GPC6: variants seen among roughly 807,000 people sequenced by gnomAD.
GPC6 encodes glypican-6.
A neutral mutation model predicts 55.2 loss-of-function variants in GPC6; 14 were observed. That is an observed-to-expected ratio of 0.25 (90% CI 0.17 to 0.40). The LOEUF (loss-of-function observed/expected upper bound fraction) is 0.40, where lower values mean the gene tolerates loss of function less well. Ranked by LOEUF, GPC6 falls within the 10% of genes least tolerant of loss-of-function variation. GPC6 has a pLI of 1.00. For missense variants in GPC6, 641 were observed against 708.5 expected, an observed-to-expected ratio of 0.90 and a Z score of 1.08; for synonymous variants, 278 against 259.6, an observed-to-expected ratio of 1.07 and a Z score of -0.68.
intron 3 of GPC6, among the ~76,000 whole-genome samples, chr13:93,926,022 A>T (rs1594593419): frequency 6.6e-6 from 1 of 152,156 alleles, no homozygotes; most frequent in Non-Finnish European, 1.5e-5. Flanking sequence ...TCTTCACAGC[A>T]TGTAGATATC....
At chr13:94,342,485 C>A (rs984747178) in intron 6 of GPC6, among the ~76,000 whole-genome samples, 6 of 152,140 alleles carry the variant, frequency 3.9e-5, no homozygotes, top group Admixed American at 2.6e-4. Context: ...TGCCCAGGAG[C>A]CACCAGATGT....
chr13:93,889,176 G>A (rs753777925), intron 3 of GPC6, among the ~76,000 whole-genome samples: 21 of 152,156 alleles, frequency 1.4e-4, no homozygotes, highest in Non-Finnish European at 2.9e-4. Context: ...GGTGGCTTAT[G>A]AAACATTTAT....
At chr13:93,543,154 G>C (rs6139935) in intron 1 of GPC6, among the ~76,000 whole-genome samples, 2 of 152,086 alleles carry the variant, frequency 1.3e-5, no homozygotes, top group African/African-American at 4.8e-5. Flanking sequence ...GATATTGGCT[G>C]TGGGTTTGTC....
chr13:94,344,376 GA>G (rs1180699858), intron 6 of GPC6, among the ~76,000 whole-genome samples: 1 of 152,192 alleles, frequency 6.6e-6, no homozygotes, highest in Non-Finnish European at 1.5e-5. Flanking sequence ...TGGAACCAAG[GA>G]AGGAGTCTTC....
intron 1 of GPC6, among the ~76,000 whole-genome samples, chr13:93,424,891 TTCTC>T (rs1676728129): frequency 6.6e-6 from 1 of 152,158 alleles, no homozygotes; most frequent in African/African-American, 2.4e-5. Context: ...TATTAGGCCC[TTCTC>T]TGGGGAAACA....
chr13:93,454,991 T>G (rs868045620), intron 1 of GPC6, among the ~76,000 whole-genome samples: 1 of 152,202 alleles, frequency 6.6e-6, no homozygotes, highest in Non-Finnish European at 1.5e-5. Context: ...TTGGCACTGC[T>G]GGGGGACCCA....
chr13:94,346,874 TAAG>T (rs1434525338), intron 6 of GPC6, among the ~76,000 whole-genome samples: 1 of 152,016 alleles, frequency 6.6e-6, no homozygotes, highest in Non-Finnish European at 1.5e-5. Context: ...ACCTGGCAAG[TAAG>T]AAGTAAAGAG....
intron 4 of GPC6, among the ~76,000 whole-genome samples, chr13:94,253,099 T>C (rs962625577): frequency 1.8e-4 from 28 of 152,082 alleles, no homozygotes; most frequent in African/African-American, 6.8e-4. Flanking sequence ...CCTGTGAATC[T>C]CCAGAGGTAT....
At chr13:93,690,048 T>C (rs1248467228) in intron 2 of GPC6, among the ~76,000 whole-genome samples, 3 of 152,148 alleles carry the variant, frequency 2.0e-5, no homozygotes, top group Non-Finnish European at 4.4e-5. Context: ...TAACAAAGAA[T>C]ATCTTTCACT....
intron 1 of GPC6, among the ~76,000 whole-genome samples, chr13:93,451,662 G>A (rs1878228458): frequency 1.3e-5 from 2 of 152,138 alleles, no homozygotes; most frequent in African/African-American, 4.8e-5. Flanking sequence ...TATGCTAACT[G>A]ACCCTCTACA....
chr13:93,237,640 C>T (rs146977996), intron 1 of GPC6, among the ~76,000 whole-genome samples: 9 of 152,038 alleles, frequency 5.9e-5, no homozygotes, highest in Non-Finnish European at 1.0e-4. Flanking sequence ...AATTCTTTGC[C>T]TAGGCCAATG....
intron 3 of GPC6, among the ~76,000 whole-genome samples, chr13:93,939,346 G>C (rs1878604585): frequency 6.6e-6 from 1 of 150,826 alleles, no homozygotes; most frequent in South Asian, 2.1e-4. Flanking sequence ...GTAAACCTAG[G>C]AGGCGGAGCT....
chr13:94,260,956 C>G (rs1891638835), intron 4 of GPC6, among the ~76,000 whole-genome samples: 1 of 152,100 alleles, frequency 6.6e-6, no homozygotes. Flanking sequence ...AAAGCAACAC[C>G]TTAGTGTTAG....
chr13:93,641,128 G>GTA (rs1879916562), intron 2 of GPC6, among the ~76,000 whole-genome samples: 1 of 151,762 alleles, frequency 6.6e-6, no homozygotes, highest in Non-Finnish European at 1.5e-5. Context: ...ACAAAAATAT[G>GTA]TATATAATTT....
Position 94,372,431 on chromosome 13 carries a change from C to T in GPC6, c.1153-9983C>T, listed in dbSNP as rs568650678. On this transcript the variant is annotated intron_variant, in intron 6 of 8. Coordinates refer to ENST00000377047, the MANE Select transcript of GPC6 (RefSeq NM_005708.5). ...GCAAGGGGTCAGGGAGTTCCCTTTC[C>T]GAGTCAAAGAAAGGGGTGACTGACG... Among the ~76,000 whole-genome samples, 156 of 152,158 alleles carry T rather than the reference C, an allele frequency of 1.0e-3. 4 individuals carry two copies. Among genetic ancestry groups the T allele is most frequent in the Admixed American group, 9.3e-3 (142 of 15,280 alleles).
At chr13:93,382,360 C>T (rs1489005263) in intron 1 of GPC6, among the ~76,000 whole-genome samples, 2 of 152,138 alleles carry the variant, frequency 1.3e-5, no homozygotes, top group South Asian at 2.1e-4. Flanking sequence ...TTATTTCAAA[C>T]TAGGACCGCA....
intron 3 of GPC6, 67 bp downstream of exon 3, chr13:93,830,612 TAAAAAAAAAAAAAAA>T: frequency 3.1e-6 from 1 of 326,102 alleles, no homozygotes; most frequent in Non-Finnish European, 4.9e-6. Context: ...AACCAATGTT[TAAAAAAAAAAAAAAA>T]AAAAAAAAAA....
intron 3 of GPC6, among the ~76,000 whole-genome samples, chr13:93,945,456 A>G (rs1224685541): frequency 6.6e-6 from 1 of 152,194 alleles, no homozygotes; most frequent in African/African-American, 2.4e-5. Context: ...AAGCACAGGA[A>G]TGCTCCAATT....
chr13:93,639,002 A>T (rs1422019374), intron 2 of GPC6, among the ~76,000 whole-genome samples: 1 of 152,152 alleles, frequency 6.6e-6, no homozygotes, highest in Non-Finnish European at 1.5e-5. Flanking sequence ...TAAGGATTAT[A>T]GCAGGAAAAA....
Sources: allele counts gnomAD v4.1 joint callset (sites outside exome capture counted in the v4.1 genomes callset), GRCh38; gene constraint gnomAD v4.1.1; transcripts MANE v1.5; gene names NCBI Gene and HGNC (gene_info 2026-07-23, HGNC 2026-07-21).